Variants in PHYKPL observed in about 807,000 individuals in gnomAD.
PHYKPL encodes the protein 5-phosphohydroxy-L-lysine phospho-lyase.
Under a neutral mutation model 51.3 loss-of-function variants are expected in PHYKPL, and 42 were observed. The observed-to-expected ratio is 0.82, with a 90% CI of 0.64 to 1.06. The LOEUF (loss-of-function observed/expected upper bound fraction) is 1.06, where lower values mean the gene tolerates loss of function less well. Ranked by LOEUF, PHYKPL falls within the 50% of genes least tolerant of loss-of-function variation. The probability of loss-of-function intolerance (pLI) is 0.00; values close to 1 mark genes in which losing one functional copy is unlikely to be tolerated. For missense variants in PHYKPL, 655 were observed against 586.6 expected, an observed-to-expected ratio of 1.12 and a Z score of -1.20; for synonymous variants, 264 against 236.0, an observed-to-expected ratio of 1.12 and a Z score of -1.09.
In PHYKPL at chr5:178,208,843, G is replaced by A. The variant is rs1757285224; in HGVS notation, c.*104C>T. On this transcript the variant is annotated 3_prime_UTR_variant, in exon 13 of 13. Coordinates refer to ENST00000308158, the MANE Select transcript of PHYKPL (RefSeq NM_153373.4). ...GCCCCCCCACCCTGAGCCTCTGAAA[G>A]CTGACTTTATCTGTAAGAGGGAGGT... 6.5e-6 allele frequency: 1 copy of A among 153,414 alleles called. No individual in the cohort carries two copies. The highest frequency in any genetic ancestry group is 2.4e-5 in the African/African-American group (1 of 41,476). The allele number at this position is 153,414 out of a possible 1,614,324, so 9.5% of individuals were successfully genotyped here.
At chr5:178,211,335 C>G (rs1758332135) in intron 12 of PHYKPL, 1 of 153,742 alleles carries the variant, frequency 6.5e-6, no homozygotes, top group Non-Finnish European at 1.4e-5. Flanking sequence ...AGGGCTGAGC[C>G]CCCCTTCAAA....
At chr5:178,223,564 A>G in intron 6 of PHYKPL, 1 of 444,318 alleles carries the variant, frequency 2.3e-6, no homozygotes, top group Admixed American at 2.4e-5. Flanking sequence ...CTGGTCCCCC[A>G]CACCTGTTGC....
chr5:178,214,359 G>T (rs1425519318), intron 10 of PHYKPL, among the ~76,000 whole-genome samples: 1 of 152,118 alleles, frequency 6.6e-6, no homozygotes, highest in Non-Finnish European at 1.5e-5. Context: ...CAGGAGTCTT[G>T]TCCATCCCAA....
At chr5:178,225,125 G>A (rs1762033211) in intron 4 of PHYKPL, 1 of 590,042 alleles carries the variant, frequency 1.7e-6, no homozygotes, top group Non-Finnish European at 3.0e-6. Flanking sequence ...CCACCTTTGA[G>A]TCTCTTACAA....
intron 2 of PHYKPL, 74 bp from the exon 3 acceptor site, chr5:178,230,173 C>A: frequency 1.3e-6 from 2 of 1,573,818 alleles, no homozygotes. Flanking sequence ...CAGCCCCAAG[C>A]TATAAACCCA....
chr5:178,231,498 CG>C lies in PHYKPL; in HGVS notation c.84del (p.Glu29ArgfsTer82). On this transcript the variant is annotated frameshift_variant, in exon 2 of 13. Transcript: ENST00000308158. LOFTEE classifies it high-confidence loss of function. ...GCCCGGACAATCTTAACAGGATCCTCGGGAAAAAAGAGTCTGCAGGAAGAGC... is the reference window on the plus strand; with the variant it reads ...GCCCGGACAATCTTAACAGGATCCTCGGAAAAAAGAGTCTGCAGGAAGAGC... Reference protein sequence around the residue: ...LISSSCRLFFPEDPVKIVRAQ... With the variant: ...LISSSCRLFFXEDPVKIVRAQ... 6.2e-7 allele frequency: 1 copy of C among 1,614,062 alleles called. No individual in the cohort carries two copies. The highest frequency in any genetic ancestry group is 8.5e-7 in the Non-Finnish European group (1 of 1,179,994).
chr5:178,228,653 G>C (rs761522001), intron 3 of PHYKPL: 8 of 700,744 alleles, frequency 1.1e-5, no homozygotes, highest in Admixed American at 6.0e-5. Context: ...TGTCTGTACT[G>C]TGTGAGTGGC....
At chr5:178,210,559 G>A in intron 12 of PHYKPL, 4 of 1,614,038 alleles carry the variant, frequency 2.5e-6, no homozygotes, top group African/African-American at 1.3e-5. Context: ...CTAGGTCAGG[G>A]TAGTACAAAC....
At chr5:178,210,406 G>A (rs945769744) in intron 12 of PHYKPL, 46 of 1,553,358 alleles carry the variant, frequency 3.0e-5, no homozygotes, top group South Asian at 2.6e-4. Context: ...ACTTGATTTT[G>A]AGCCTTAGAC....
chr5:178,229,957 G>A lies in PHYKPL; in HGVS notation c.321C>T (p.Phe107=), dbSNP rs746524093. ...SETLPEQLCV[F]YFLNSGSEAN... The stretch of plus-strand genomic sequence containing the variant: ...CCACTTACCCAGAATTCAGGAAATA[G>A]AACACACAGAGCTGCTCCGGCAGGG... Residue 107 remains phenylalanine (F), a synonymous_variant, in exon 3 of 13, where the codon TTC becomes TTT. Transcript: ENST00000308158. 4.3e-6 allele frequency: 7 copies of A among 1,613,920 alleles called. No individual in the cohort carries two copies. The highest frequency in any genetic ancestry group is 5.9e-6 in the Non-Finnish European group (7 of 1,179,786).
chr5:178,212,010 TC>T (rs1461242629), intron 11 of PHYKPL, 40 bp from the exon 12 acceptor site: 1 of 1,611,616 alleles, frequency 6.2e-7, no homozygotes, highest in Non-Finnish European at 8.5e-7. Flanking sequence ...CAGTCACCTT[TC>T]TCTGCTGAAG....
intron 9 of PHYKPL, 117 bp from the exon 10 acceptor site, chr5:178,215,002 C>A: frequency 1.1e-6 from 1 of 939,456 alleles, no homozygotes; most frequent in Non-Finnish European, 1.6e-6. Flanking sequence ...GAGGCACCTT[C>A]AGAAGGTGGT....
At chr5:178,212,628 C>T (rs926530960) in intron 11 of PHYKPL, among the ~76,000 whole-genome samples, 3 of 152,242 alleles carry the variant, frequency 2.0e-5, no homozygotes, top group Non-Finnish European at 4.4e-5. Context: ...GCCATCTCTA[C>T]ATCCTAGGCT....
chr5:178,226,389 C>T (rs1762304817), intron 3 of PHYKPL: 1 of 152,230 alleles, frequency 6.6e-6, no homozygotes, highest in Admixed American at 6.5e-5. Flanking sequence ...TTCTGACCGA[C>T]TGGCTTCAAG....
intron 3 of PHYKPL, chr5:178,228,027 C>T (rs186392879): frequency 4.8e-5 from 8 of 164,950 alleles, no homozygotes; most frequent in Non-Finnish European, 1.1e-4. Context: ...TACCATGGTC[C>T]AATCAACCCT....
At chr5:178,210,947 T>C in intron 12 of PHYKPL, 1 of 346,068 alleles carries the variant, frequency 2.9e-6, no homozygotes, top group African/African-American at 2.1e-5. Flanking sequence ...AAGAGTAAAT[T>C]GTATCTTAGG....
chr5:178,232,553 TG>T lies in PHYKPL; in HGVS notation c.-4del, dbSNP rs1325542289. On this transcript the variant is annotated 5_prime_UTR_variant, in exon 1 of 13. Transcript: ENST00000308158. Reference sequence around the variant, plus strand: ...TTCGGGCGCTGGTCTGCGGCCATGGTGGGTGGCCGTCAGTCGGTGCCGTGAC... The same window carrying T: ...TTCGGGCGCTGGTCTGCGGCCATGGTGGTGGCCGTCAGTCGGTGCCGTGAC... 8.5e-7 allele frequency: 1 copy of T among 1,179,972 alleles called. No homozygotes were observed. The highest frequency in any genetic ancestry group is 1.0e-6 in the Non-Finnish European group (1 of 953,666). 73.1% of individuals were successfully genotyped at this position (1,179,972 alleles called of 1,614,324 possible).
intron 8 of PHYKPL, chr5:178,216,902 A>G (rs1759913994): frequency 6.6e-6 from 1 of 152,220 alleles, no homozygotes; most frequent in Non-Finnish European, 1.5e-5. Context: ...GCGTGGTGGC[A>G]CATGTGTGTA....
intron 8 of PHYKPL, among the ~76,000 whole-genome samples, chr5:178,220,721 CAA>C (rs751171063): frequency 8.6e-5 from 4 of 46,686 alleles, no homozygotes; most frequent in Non-Finnish European, 1.4e-4. Flanking sequence ...TTCATAATTG[CAA>C]AAAAAAAAAA....
Sources: allele counts gnomAD v4.1 joint callset (sites outside exome capture counted in the v4.1 genomes callset), GRCh38; gene constraint gnomAD v4.1.1; transcripts MANE v1.5; gene names NCBI Gene and HGNC (gene_info 2026-07-23, HGNC 2026-07-21).